The following LMOD2 variants were observed in gnomAD, a reference collection of about 807,000 sequenced individuals.
LMOD2 encodes the protein leiomodin-2.
In LMOD2, 27 loss-of-function variants were observed where a neutral mutation model predicts 41.7. The ratio of observed to expected loss-of-function variants is 0.65; its 90% CI spans 0.48 to 0.89. The LOEUF is 0.89. LMOD2 is among the 40% of genes least tolerant of loss of function. The pLI is 0.00. For synonymous variants in LMOD2, 251 were observed against 244.6 expected (o/e 1.03, Z -0.25); for missense variants, 624 against 667.9 (o/e 0.93, Z 0.72).
intron 2 of LMOD2, 23 bp downstream of exon 2, chr7:123,663,226 TA>T: frequency 1.3e-6 from 2 of 1,550,008 alleles, no homozygotes; most frequent in Non-Finnish European, 1.7e-6. Flanking sequence ...AGAACAGACA[TA>T]GGGGCACAGA....
In LMOD2 at chr7:123,655,906, T is replaced by C; in HGVS notation, c.-58T>C. On this transcript the variant is annotated 5_prime_UTR_variant, in exon 1 of 3. Transcript: ENST00000458573. ...TGCCACTTGCCTCCCTGCCTGCTTC[T>C]GGCCGCCTTGAATGCCTGGTCCTTC... 1.3e-6 allele frequency: 2 copies of C among 1,516,690 alleles called. No homozygotes were observed. The highest frequency in any genetic ancestry group is 1.3e-5 in the South Asian group (1 of 79,236). 94.0% of individuals were successfully genotyped at this position (1,516,690 alleles called of 1,614,324 possible).
At position 123,662,806 on chromosome 7, in the gene LMOD2, T is replaced by C; in HGVS notation, c.1220T>C (p.Val407Ala). 6.2e-7 allele frequency: 1 copy of C among 1,612,982 alleles called. No homozygotes were observed. The highest frequency in any genetic ancestry group is 8.5e-7 in the Non-Finnish European group (1 of 1,179,708). The change falls in exon 2 of 3, where the codon GTC (valine) becomes GCC (alanine). Residue 407 changes from valine to alanine, a missense_variant. Coordinates refer to ENST00000458573, the MANE Select transcript of LMOD2 (RefSeq NM_207163.3). The surrounding 1 kb of genome is among the most constrained non-coding windows in gnomAD (Gnocchi z 4.0). Reference protein sequence around the residue: ...PWSSPKLPKKVQTVRSRPLSP... With the variant: ...PWSSPKLPKKAQTVRSRPLSP... ...TCATCCCCAAAACTCCCCAAAAAAG[T>C]CCAGACTGTGAGGAGCCGTCCTCTG...
chr7:123,663,074 A>T lies in LMOD2; in HGVS notation c.1488A>T (p.Ile496=). Residue 496 remains isoleucine (I), a synonymous_variant, in exon 2 of 3, where the codon ATA becomes ATT. Coordinates refer to ENST00000458573, the MANE Select transcript of LMOD2 (RefSeq NM_207163.3). ...KKQPNSILKE[I]KNSLRSVQEK... is the part of the protein sequence containing the mutation. ...AGCCAAACAGTATTCTAAAGGAAAT[A>T]AAAAATTCTCTGAGGTCAGTGCAAG... The T allele has an allele frequency of 6.4e-7, 1 of 1,558,886 alleles. No individual in the cohort carries two copies. The highest frequency in any genetic ancestry group is 8.7e-7 in the Non-Finnish European group (1 of 1,151,208).
Position 123,663,870 on chromosome 7 carries a change from A to G in LMOD2, c.*125A>G. On this transcript the variant is annotated 3_prime_UTR_variant, in exon 3 of 3. Coordinates refer to ENST00000458573, the MANE Select transcript of LMOD2 (RefSeq NM_207163.3). ...CCTGACTTTAAAAATAATCTCACCC[A>G]TTAATTCCAAAGAGAATCTTAAGAA... 1 of 720,286 alleles carries G rather than the reference A, an allele frequency of 1.4e-6. No individual in the cohort carries two copies. The allele number at this position is 720,286 out of a possible 1,614,324, so 44.6% of individuals were successfully genotyped here. A position where few individuals can be genotyped will look rare whatever the true frequency, so the allele number is the denominator to read the frequency against.
At position 123,662,299 on chromosome 7, in the gene LMOD2, A is replaced by G; in HGVS notation, c.713A>G (p.Asp238Gly). Residue 238 changes from aspartate to glycine, a missense_variant, in exon 2 of 3, where the codon GAC becomes GGC. Transcript: ENST00000458573. The surrounding 1 kb of genome is among the most constrained non-coding windows in gnomAD (Gnocchi z 4.0). ...ACCCGCTTTGCTGAAGCCCTCAAGG[A>G]CAACACTGTGGTGAAGACGTTCAGT... ...TLTRFAEALKDNTVVKTFSLA... is the reference protein window; with the variant it reads ...TLTRFAEALKGNTVVKTFSLA... 6.2e-7 allele frequency: 1 copy of G among 1,614,026 alleles called. No individual in the cohort carries two copies. The highest frequency in any genetic ancestry group is 8.5e-7 in the Non-Finnish European group (1 of 1,179,886).
intron 1 of LMOD2, among the ~76,000 whole-genome samples, chr7:123,657,811 C>CAAAAAAAA (rs1009900124): frequency 6.9e-4 from 25 of 36,004 alleles, no homozygotes; most frequent in African/African-American, 2.8e-3. Flanking sequence ...CTCATCTCTA[C>CAAAAAAAA]AAAAAAAAAA....
intron 1 of LMOD2, among the ~76,000 whole-genome samples, chr7:123,659,254 C>T (rs574794480): frequency 3.9e-5 from 6 of 152,204 alleles, no homozygotes; most frequent in African/African-American, 7.2e-5. Context: ...ATTCTATACC[C>T]TCCTTCCCAC....
intron 1 of LMOD2, among the ~76,000 whole-genome samples, chr7:123,660,652 A>C (rs532667012): frequency 7.2e-5 from 11 of 152,008 alleles, no homozygotes; most frequent in Admixed American, 4.6e-4. Flanking sequence ...GCAGGGTCCC[A>C]GGGCTGTAGA....
chr7:123,656,153 T>C lies in LMOD2; in HGVS notation c.190T>C (p.Phe64Leu), dbSNP rs763285028. The C allele has an allele frequency of 1.2e-6, 2 of 1,610,022 alleles. No individual in the cohort carries two copies. The highest frequency in any genetic ancestry group is 3.4e-5 in the Admixed American group (2 of 59,482). ...SLTEKTPTGT[F>L]SREALMAYWE... is the part of the protein sequence containing the mutation. ...GACAGAGAAAACCCCCACAGGGACA[T>C]TCAGCAGAGAGGCACTGATGGCCTA... The change falls in exon 1 of 3, where the codon TTC (phenylalanine) becomes CTC (leucine). Residue 64 changes from phenylalanine to leucine, a missense_variant. Physicochemically the swap from Phe to Leu is conservative, Grantham distance 22 (BLOSUM62 0). Coordinates refer to ENST00000458573, the MANE Select transcript of LMOD2 (RefSeq NM_207163.3).
chr7:123,657,386 G>T (rs1197414789), intron 1 of LMOD2, among the ~76,000 whole-genome samples: 1 of 152,184 alleles, frequency 6.6e-6, no homozygotes, highest in Non-Finnish European at 1.5e-5. Context: ...GCTGTTAGAT[G>T]ATCTTGATGA....
intron 2 of LMOD2, 22 bp from the exon 3 acceptor site, chr7:123,663,697 A>T (rs1802927836): frequency 1.3e-6 from 2 of 1,570,524 alleles, no homozygotes; most frequent in Non-Finnish European, 1.7e-6. Flanking sequence ...TTTCATTGAG[A>T]GAAAATCCGC....
chr7:123,658,553 G>A (rs1409094593), intron 1 of LMOD2, among the ~76,000 whole-genome samples: 1 of 152,200 alleles, frequency 6.6e-6, no homozygotes, highest in Non-Finnish European at 1.5e-5. Context: ...ACAAACTTAT[G>A]CCGCATTGGG....
Position 123,656,567 on chromosome 7 carries a change from T to C in LMOD2, c.273+331T>C, listed in dbSNP as rs535830000. Reference sequence around the variant, plus strand: ...TGAGCTATATGTTGGTAATGTGGCATAATATTTGTTCCCAAGATACATGCA... The same window carrying C: ...TGAGCTATATGTTGGTAATGTGGCACAATATTTGTTCCCAAGATACATGCA... On this transcript the variant is annotated intron_variant, in intron 1 of 2. Transcript: ENST00000458573. 5.9e-5 allele frequency among the ~76,000 whole-genome samples: 9 copies of C among 152,322 alleles called. No individual in the cohort carries two copies. In the East Asian group the frequency reaches 9.6e-4, roughly 16 times the overall value.
intron 1 of LMOD2, among the ~76,000 whole-genome samples, chr7:123,661,340 G>C (rs973441120): frequency 6.6e-6 from 1 of 152,206 alleles, no homozygotes; most frequent in African/African-American, 2.4e-5. Flanking sequence ...TGTCACATCT[G>C]CTATGGATGG....
At position 123,662,841 on chromosome 7, in the gene LMOD2, G is replaced by C. The variant is rs1346429553; in HGVS notation, c.1255G>C (p.Ala419Pro). The C allele has an allele frequency of 1.9e-6, 3 of 1,609,540 alleles. No homozygotes were observed. The highest frequency in any genetic ancestry group is 1.7e-6 in the Non-Finnish European group (2 of 1,178,288). Reference protein sequence around the residue: ...TVRSRPLSPVATPPPPPPPPP... With the variant: ...TVRSRPLSPVPTPPPPPPPPP... ...GAGGAGCCGTCCTCTGTCTCCTGTG[G>C]CCACACCTCCTCCTCCTCCCCCTCC... is the stretch of plus-strand genomic sequence containing the variant. The change falls in exon 2 of 3, where the codon GCC (alanine) becomes CCC (proline). Residue 419 changes from alanine to proline, a missense_variant. Ala to Pro is a conservative substitution (Grantham distance 27). Coordinates refer to ENST00000458573, the MANE Select transcript of LMOD2 (RefSeq NM_207163.3). This position sits in a 1 kb window ranked among gnomAD's most constrained non-coding sequence, Gnocchi z 4.0.
intron 1 of LMOD2, among the ~76,000 whole-genome samples, chr7:123,660,048 G>T (rs1273406857): frequency 6.6e-6 from 1 of 152,074 alleles, no homozygotes; most frequent in Non-Finnish European, 1.5e-5. Context: ...ACAAACACAT[G>T]AACACACACA....
At position 123,663,744 on chromosome 7, in the gene LMOD2, A is replaced by G; in HGVS notation, c.1643A>G (p.Ter548=). 6.3e-7 allele frequency: 1 copy of G among 1,577,212 alleles called. No individual in the cohort carries two copies. The highest frequency in any genetic ancestry group is 8.6e-7 in the Non-Finnish European group (1 of 1,159,332). Residue 548 remains the stop codon, a stop_retained_variant, in exon 3 of 3, where the codon TAA becomes TGA. Coordinates refer to ENST00000458573, the MANE Select transcript of LMOD2 (RefSeq NM_207163.3). ...GTGGAAGTTCCAGAAGCCCTGCGAT[A>G]AAAACATGATCTTTAGAAGAGGATG... The part of the protein sequence containing the change: ...KRVEVPEALR[*]
Position 123,662,958 on chromosome 7 carries a change from A to G in LMOD2, c.1372A>G (p.Asn458Asp). The G allele has an allele frequency of 6.4e-7, 1 of 1,553,250 alleles. No individual in the cohort carries two copies. Among genetic ancestry groups the G allele is most frequent in the Non-Finnish European group, 8.7e-7 (1 of 1,148,010 alleles). Reference protein sequence around the residue: ...PLPEKKLITRNIAEVIKQQES... With the variant: ...PLPEKKLITRDIAEVIKQQES... ...CCCAGAGAAAAAGCTCATTACCAGA[A>G]ACATTGCAGAAGTCATCAAACAACA... The change falls in exon 2 of 3, where the codon AAC becomes GAC. Residue 458 changes from asparagine (N) to aspartate (D), a missense_variant. Transcript: ENST00000458573. This position sits in a 1 kb window ranked among gnomAD's most constrained non-coding sequence, Gnocchi z 4.0.
At chr7:123,658,445 G>T (rs747170260) in intron 1 of LMOD2, among the ~76,000 whole-genome samples, 1 of 152,140 alleles carries the variant, frequency 6.6e-6, no homozygotes, top group Non-Finnish European at 1.5e-5. Context: ...AGGAGCGGAG[G>T]GTCTTGATTG....
Sources: gnomAD v4.1 joint callset for allele counts (sites outside exome capture counted in the v4.1 genomes callset) on GRCh38, gnomAD v4.1.1 for gene constraint, Gnocchi (gnomAD v3.1) non-coding constraint, MANE v1.5 for transcripts, NCBI Gene and HGNC (gene_info 2026-07-23, HGNC 2026-07-21) for gene names.